DOCK4: variants seen among roughly 807,000 people sequenced by gnomAD.
DOCK4 encodes the protein dedicator of cytokinesis 4, also known as dedicator of cytokinesis protein 4.
Under a neutral mutation model 268.1 loss-of-function variants are expected in DOCK4, and 97 were observed. The observed-to-expected ratio is 0.36, with a 90% CI of 0.31 to 0.43. DOCK4 has a LOEUF of 0.43. DOCK4 is among the 20% of genes least tolerant of loss of function. The pLI is 1.00. For synonymous variants in DOCK4, 954 were observed against 887.2 expected (o/e 1.08, Z -1.34); for missense variants, 2,145 against 2,455.7 (o/e 0.87, Z 2.67).
intron 1 of DOCK4, among the ~76,000 whole-genome samples, chr7:112,118,406 G>A (rs1318187159): frequency 6.6e-6 from 1 of 152,112 alleles, no homozygotes; most frequent in Admixed American, 6.6e-5. Context: ...TGATGATAAA[G>A]TAAAGAAGTA....
At chr7:112,200,897 G>A (rs1820878382) in intron 1 of DOCK4, among the ~76,000 whole-genome samples, 1 of 152,036 alleles carries the variant, frequency 6.6e-6, no homozygotes, top group African/African-American at 2.4e-5. Flanking sequence ...CTATCCCACT[G>A]TCTGTATGGC....
intron 1 of DOCK4, among the ~76,000 whole-genome samples, chr7:112,068,287 G>C (rs1807265294): frequency 6.6e-6 from 1 of 152,118 alleles, no homozygotes; most frequent in Admixed American, 6.6e-5. Flanking sequence ...TCCTTGAAAA[G>C]ATAAAACAAT....
chr7:111,778,479 T>C (rs1162165917), intron 35 of DOCK4, 110 bp from the exon 36 acceptor site: 9 of 561,336 alleles, frequency 1.6e-5, no homozygotes, highest in Non-Finnish European at 3.0e-6. Context: ...ACGGATTCAT[T>C]TTTCCATGTA....
chr7:111,778,703 C>T (rs1157346282), intron 35 of DOCK4, among the ~76,000 whole-genome samples: 2 of 151,920 alleles, frequency 1.3e-5, no homozygotes, highest in South Asian at 4.2e-4. Context: ...TTAACTTGGC[C>T]GATTGATACT....
At chr7:111,912,552 C>T (rs1792198874) in intron 13 of DOCK4, among the ~76,000 whole-genome samples, 1 of 151,592 alleles carries the variant, frequency 6.6e-6, no homozygotes, top group African/African-American at 2.4e-5. Context: ...GCCACAATAA[C>T]CTGTGTAGCT....
chr7:111,984,388 T>C lies in DOCK4; in HGVS notation c.467A>G (p.Gln156Arg). ...ITARLDWGNE[Q>R]LGLDLVPRKE... ...CCTAGGCACCAGGTCCAGTCCCAGTTGTCTAGAAAACAAATTGCAAAAGTT... is the reference window on the plus strand; with the variant it reads ...CCTAGGCACCAGGTCCAGTCCCAGTCGTCTAGAAAACAAATTGCAAAAGTT... The change falls in exon 7 of 53, where the codon CAA (glutamine) becomes CGA (arginine). Residue 156 changes from glutamine (Q) to arginine (R), a missense_variant and splice_region_variant. This residue lies in a region of DOCK4 where 1,598 missense variants were observed against 1,986.7 expected (regional missense o/e 0.80). Coordinates refer to ENST00000428084, the MANE Select transcript of DOCK4 (RefSeq NM_001363540.2). The C allele has an allele frequency of 6.2e-7, 1 of 1,611,780 alleles. No individual in the cohort carries two copies. Among genetic ancestry groups the C allele is most frequent in the African/African-American group, 1.3e-5 (1 of 74,956 alleles).
intron 1 of DOCK4, among the ~76,000 whole-genome samples, chr7:112,064,770 A>C (rs1192886469): frequency 6.6e-6 from 1 of 152,190 alleles, no homozygotes; most frequent in Non-Finnish European, 1.5e-5. Context: ...CAGGTGATTA[A>C]GTTAAAATGA....
chr7:112,063,081 G>A (rs1251750226), intron 1 of DOCK4, among the ~76,000 whole-genome samples: 1 of 152,164 alleles, frequency 6.6e-6, no homozygotes, highest in East Asian at 1.9e-4. Flanking sequence ...AATTCAGGTA[G>A]AGTCCTCCTG....
intron 4 of DOCK4, among the ~76,000 whole-genome samples, chr7:111,994,895 A>G (rs1284680630): frequency 6.6e-6 from 1 of 152,118 alleles, no homozygotes; most frequent in African/African-American, 2.4e-5. Context: ...GATTAGAGTA[A>G]CGTAGTCTTC....
At chr7:112,103,297 T>C (rs1586828472) in intron 1 of DOCK4, among the ~76,000 whole-genome samples, 1 of 152,228 alleles carries the variant, frequency 6.6e-6, no homozygotes, top group East Asian at 1.9e-4. Flanking sequence ...AAGGGTATAA[T>C]TTTTCTAACA....
intron 11 of DOCK4, among the ~76,000 whole-genome samples, chr7:111,937,450 A>T (rs1345390519): frequency 6.6e-6 from 1 of 152,218 alleles, no homozygotes; most frequent in East Asian, 1.9e-4. Context: ...AATAAAAAAA[A>T]ACACAAAGAG....
At chr7:111,944,162 A>G (rs1795425198) in intron 10 of DOCK4, among the ~76,000 whole-genome samples, 1 of 152,258 alleles carries the variant, frequency 6.6e-6, no homozygotes, top group South Asian at 2.1e-4. Flanking sequence ...AGTTCATCAC[A>G]GAACATTAAA....
At chr7:112,017,382 T>C (rs1206692589) in intron 1 of DOCK4, among the ~76,000 whole-genome samples, 1 of 152,228 alleles carries the variant, frequency 6.6e-6, no homozygotes, top group Non-Finnish European at 1.5e-5. Context: ...CATAATAGCC[T>C]ACTTAATCGA....
chr7:111,944,222 TAGTC>T (rs1795434318), intron 10 of DOCK4, among the ~76,000 whole-genome samples: 1 of 152,210 alleles, frequency 6.6e-6, no homozygotes, highest in Admixed American at 6.5e-5. Flanking sequence ...AGTGTTTTCA[TAGTC>T]AGATCAAATT....
intron 1 of DOCK4, among the ~76,000 whole-genome samples, chr7:112,148,115 C>T (rs1490058964): frequency 1.3e-5 from 2 of 151,586 alleles, no homozygotes; most frequent in Non-Finnish European, 2.9e-5. Context: ...TCTGTGTAGA[C>T]GGCATTGTCC....
At chr7:112,197,280 G>A in intron 1 of DOCK4, among the ~76,000 whole-genome samples, 2 of 142,432 alleles carry the variant, frequency 1.4e-5, no homozygotes, top group African/African-American at 2.7e-5. Context: ...TTCCTAAGAG[G>A]TATTATATAT....
chr7:111,859,376 T>C (rs1052377684), intron 23 of DOCK4, among the ~76,000 whole-genome samples: 3 of 152,136 alleles, frequency 2.0e-5, no homozygotes, highest in African/African-American at 7.2e-5. Flanking sequence ...TGAGTCTTAT[T>C]TCCATATTTT....
intron 1 of DOCK4, among the ~76,000 whole-genome samples, chr7:112,091,816 C>T (rs1429760437): frequency 1.3e-5 from 2 of 152,200 alleles, no homozygotes; most frequent in African/African-American, 4.8e-5. Context: ...CATAATCCTT[C>T]CTGCACTTTC....
chr7:112,092,940 A>C (rs1809769324), intron 1 of DOCK4, among the ~76,000 whole-genome samples: 1 of 152,104 alleles, frequency 6.6e-6, no homozygotes, highest in Admixed American at 6.6e-5. Flanking sequence ...AGAATACTGA[A>C]ATCTTTACCT....
Sources: allele counts gnomAD v4.1 joint callset (sites outside exome capture counted in the v4.1 genomes callset), GRCh38; gene constraint gnomAD v4.1.1; regional missense constraint gnomAD v4.1.1; transcripts MANE v1.5; gene names NCBI Gene and HGNC (gene_info 2026-07-23, HGNC 2026-07-21).